The following CYREN variants were observed in gnomAD, a reference collection of about 807,000 sequenced individuals.
The protein encoded by CYREN is cell cycle regulator of NHEJ, also known as cell cycle regulator of non-homologous end joining.
CYREN carries 7 observed loss-of-function variants against 9.7 expected under a neutral mutation model. The observed-to-expected ratio is 0.72, with a 90% CI of 0.41 to 1.36. CYREN has a LOEUF of 1.36. Ranked by LOEUF, CYREN falls within the 40% of genes most tolerant of loss-of-function variation. The pLI is 0.01. For synonymous variants in CYREN, 76 were observed against 77.9 expected (o/e 0.98, Z 0.13); for missense variants, 215 against 198.1 (o/e 1.09, Z -0.51).
chr7:135,102,766 A>C (rs1008451405), intron 2 of CYREN, among the ~76,000 whole-genome samples: 1 of 152,120 alleles, frequency 6.6e-6, no homozygotes, highest in Admixed American at 6.6e-5. Context: ...TAGCAAAAAA[A>C]AATTAACTCA....
intron 2 of CYREN, among the ~76,000 whole-genome samples, chr7:135,108,731 C>T (rs1825152878): frequency 6.6e-6 from 1 of 152,150 alleles, no homozygotes; most frequent in Non-Finnish European, 1.5e-5. Context: ...CTGGATTTGA[C>T]TGATGGCCTC....
intron 2 of CYREN, among the ~76,000 whole-genome samples, chr7:135,095,480 C>T (rs952165533): frequency 1.3e-5 from 2 of 152,200 alleles, no homozygotes; most frequent in African/African-American, 2.4e-5. Flanking sequence ...AAACATTAAA[C>T]AGTCCAATTC....
intron 2 of CYREN, among the ~76,000 whole-genome samples, chr7:135,138,108 A>G (rs1829389120): frequency 6.6e-6 from 1 of 151,984 alleles, no homozygotes; most frequent in Non-Finnish European, 1.5e-5. Flanking sequence ...AGTGAAAGAG[A>G]AATGGACTTT....
At chr7:135,112,349 T>C (rs1425285104) in intron 2 of CYREN, among the ~76,000 whole-genome samples, 4 of 152,242 alleles carry the variant, frequency 2.6e-5, no homozygotes, top group South Asian at 2.1e-4. Context: ...AACACATTTA[T>C]TTAGCATCTG....
intron 2 of CYREN, among the ~76,000 whole-genome samples, chr7:135,145,360 C>G (rs1225681585): frequency 6.6e-6 from 1 of 152,104 alleles, no homozygotes; most frequent in South Asian, 2.1e-4. Context: ...TCTCCCAGAA[C>G]TGAATAAATG....
At chr7:135,171,248 C>T (rs1830638017), upstream of CYREN, among the ~76,000 whole-genome samples, 1 of 151,994 alleles carries the variant, frequency 6.6e-6, no homozygotes, top group African/African-American at 2.4e-5. Context: ...AATTTCAGCC[C>T]TCCGAAAGTT....
downstream of CYREN, chr7:135,165,055 G>A: frequency 6.7e-7 from 1 of 1,502,842 alleles, no homozygotes. Flanking sequence ...TGGCACATCT[G>A]CTCAGCCATC....
At chr7:135,160,503 A>C (rs1829902663) in intron 2 of CYREN, among the ~76,000 whole-genome samples, 1 of 152,208 alleles carries the variant, frequency 6.6e-6, no homozygotes, top group South Asian at 2.1e-4. Context: ...TCACTGCAAA[A>C]TGTTTAGGGA....
intron 2 of CYREN, among the ~76,000 whole-genome samples, chr7:135,118,730 A>C (rs1826675173): frequency 1.3e-5 from 2 of 152,226 alleles, no homozygotes; most frequent in Admixed American, 1.3e-4. Flanking sequence ...AAAGATTTTT[A>C]AAGTAATCAT....
At chr7:135,140,986 A>G (rs1829443438) in intron 2 of CYREN, among the ~76,000 whole-genome samples, 1 of 152,166 alleles carries the variant, frequency 6.6e-6, no homozygotes, top group Non-Finnish European at 1.5e-5. Flanking sequence ...TTTTTCCTCT[A>G]TGTTCATCAA....
rs1256396793 is a variant in CYREN, at chr7:135,134,566, G to A, written n.356+34183C>T. 3.3e-5 allele frequency among the ~76,000 whole-genome samples: 5 copies of A among 151,756 alleles called. No individual in the cohort carries two copies. In the East Asian group the frequency reaches 9.7e-4, roughly 29 times the overall value. On this transcript the variant is annotated intron_variant and non_coding_transcript_variant, in intron 2 of 2. Coordinates refer to the CYREN transcript ENST00000459937. ...ACTAGATATATAGGTAAGGAGCTGG[G>A]GCCCAGAGTGGCTATTATATTAGGA...
At chr7:135,156,092 A>C (rs2117442615) in intron 2 of CYREN, among the ~76,000 whole-genome samples, 1 of 152,202 alleles carries the variant, frequency 6.6e-6, no homozygotes, top group Non-Finnish European at 1.5e-5. Context: ...GGCATGTAAG[A>C]ATTCTGCTGA....
chr7:135,166,584 C>T lies in CYREN; in HGVS notation c.*27G>A, dbSNP rs773937966. On this transcript the variant is annotated 3_prime_UTR_variant, in exon 4 of 4. Transcript: ENST00000393114. ...TCAGCTGTCCTCCAGCTGCTCTCGG[C>T]AGACAGTTCAGTGCACAGTTTATGC... 3.9e-6 allele frequency: 6 copies of T among 1,543,270 alleles called. No homozygotes were observed. Among genetic ancestry groups the T allele is most frequent in the Non-Finnish European group, 5.2e-6 (6 of 1,146,982 alleles).
rs148735406 is a variant in CYREN, at chr7:135,166,670, G to C, written c.415C>G (p.Pro139Ala). Reference sequence around the variant, plus strand: ...ACATCCTCTTCCTCCTCCTCCTCAGGGCTCCTGCTACAGGCAGAGCTGGAA... The same window carrying C: ...ACATCCTCTTCCTCCTCCTCCTCAGCGCTCCTGCTACAGGCAGAGCTGGAA... ...GGSSSACSRS[P>A]EEEEEEDVLK... Residue 139 changes from proline (P) to alanine (A), a missense_variant, in exon 4 of 4, where the codon CCT becomes GCT. Pro to Ala is a conservative substitution (Grantham distance 27). Transcript: ENST00000393114. 2.5e-6 allele frequency: 4 copies of C among 1,609,880 alleles called. No individual in the cohort carries two copies. Among genetic ancestry groups the C allele is most frequent in the Non-Finnish European group, 3.4e-6 (4 of 1,179,870 alleles).
intron 2 of CYREN, among the ~76,000 whole-genome samples, chr7:135,145,825 A>G (rs1829536150): frequency 6.6e-6 from 1 of 152,132 alleles, no homozygotes; most frequent in Admixed American, 6.5e-5. Flanking sequence ...AGCAAATCAC[A>G]CGAATTTCTG....
Position 135,122,907 on chromosome 7 carries a change from T to C in CYREN, n.357-28325A>G, listed in dbSNP as rs770417676. ...CATCCAAGGATCAGCGCCTCAAAGA[T>C]CAAAACTAGACAAACTCATGAAGAT... On this transcript the variant is annotated intron_variant and non_coding_transcript_variant, in intron 2 of 2. Transcript: ENST00000459937. Among the ~76,000 whole-genome samples, 49 of 151,698 alleles carry C rather than the reference T, an allele frequency of 3.2e-4. 1 individual carries two copies. Among genetic ancestry groups the C allele is most frequent in the Non-Finnish European group, 7.4e-5 (5 of 67,932 alleles).
chr7:135,127,284 T>C (rs1311760965), intron 2 of CYREN, among the ~76,000 whole-genome samples: 2 of 152,090 alleles, frequency 1.3e-5, no homozygotes, highest in East Asian at 1.9e-4. Context: ...TGGTTGGGTG[T>C]GGTGGCTCAC....
chr7:135,150,317 T>C (rs1829638060), intron 2 of CYREN, among the ~76,000 whole-genome samples: 1 of 152,214 alleles, frequency 6.6e-6, no homozygotes, highest in South Asian at 2.1e-4. Context: ...CTCCTGCCAG[T>C]TTCTCTCTCT....
chr7:135,129,159 T>G, intron 2 of CYREN: 1 of 1,470,530 alleles, frequency 6.8e-7, no homozygotes, highest in Non-Finnish European at 9.5e-7. Context: ...TCTCCTCCAG[T>G]CCACCTTGGA....
Sources: gnomAD v4.1 joint callset for allele counts (sites outside exome capture counted in the v4.1 genomes callset) on GRCh38, gnomAD v4.1.1 for gene constraint, MANE v1.5 for transcripts, NCBI Gene and HGNC (gene_info 2026-07-23, HGNC 2026-07-21) for gene names.